Variants in AS3MT observed in about 807,000 individuals in gnomAD.
AS3MT encodes the protein S-adenosyl-L-methionine:arsenic(III) methyltransferase.
In AS3MT, 47 loss-of-function variants were observed where a neutral mutation model predicts 45.3. That is an observed-to-expected ratio of 1.04 (90% CI 0.82 to 1.32). The LOEUF (loss-of-function observed/expected upper bound fraction) is 1.32, where lower values mean the gene tolerates loss of function less well. Ranked by LOEUF, AS3MT falls within the 40% of genes most tolerant of loss-of-function variation. The probability of loss-of-function intolerance (pLI) is 0.00; values close to 1 mark genes in which losing one functional copy is unlikely to be tolerated. For synonymous variants in AS3MT, 141 were observed against 152.8 expected (o/e 0.92, Z 0.57); for missense variants, 396 against 451.1 (o/e 0.88, Z 1.11).
chr10:102,874,240 T>TG (rs1188500887), intron 5 of AS3MT, among the ~76,000 whole-genome samples: 3 of 146,838 alleles, frequency 2.0e-5, no homozygotes, highest in African/African-American at 2.5e-5. Context: ...GCAACAGGAG[T>TG]GAAACATCCT....
intron 10 of AS3MT, among the ~76,000 whole-genome samples, chr10:102,891,970 AAAAAG>A (rs1845078903): frequency 1.3e-5 from 2 of 151,034 alleles, no homozygotes; most frequent in Non-Finnish European, 1.5e-5. Flanking sequence ...AAAAAAAAAA[AAAAAG>A]AAAGAAGGCT....
chr10:102,896,332 C>CA (rs899491110), intron 10 of AS3MT, among the ~76,000 whole-genome samples: 3,693 of 63,122 alleles, frequency 0.059, 124 homozygotes, highest in South Asian at 0.15. Context: ...GACCCTGCCT[C>CA]AAAAAAAAAA....
intron 9 of AS3MT, among the ~76,000 whole-genome samples, chr10:102,882,869 G>A (rs1030462010): frequency 6.6e-6 from 1 of 151,518 alleles, no homozygotes; most frequent in Non-Finnish European, 1.5e-5. Flanking sequence ...GGGATTACAG[G>A]CGTGAGCCAC....
chr10:102,896,558 C>T (rs113320965), intron 10 of AS3MT, among the ~76,000 whole-genome samples: 15,830 of 151,954 alleles, frequency 0.1, 846 homozygotes, highest in Middle Eastern at 0.18. Flanking sequence ...CCTGTAATCC[C>T]AGCACTTTGG....
chr10:102,899,895 G>C (rs984810017), intron 10 of AS3MT, among the ~76,000 whole-genome samples: 8 of 152,024 alleles, frequency 5.3e-5, no homozygotes, highest in African/African-American at 1.9e-4. Flanking sequence ...TCAAACTCCT[G>C]GCCTCAGGTG....
At chr10:102,869,647 C>A (rs1844640967) in intron 1 of AS3MT, 54 bp downstream of exon 1, 1 of 1,581,668 alleles carries the variant, frequency 6.3e-7, no homozygotes, top group Middle Eastern at 1.9e-4. Context: ...TCCCTGGGCC[C>A]CCGCAAGGCG....
At chr10:102,882,400 T>TA (rs1212044958) in intron 9 of AS3MT, among the ~76,000 whole-genome samples, 3 of 151,612 alleles carry the variant, frequency 2.0e-5, no homozygotes, top group Non-Finnish European at 4.4e-5. Flanking sequence ...TTTTTTAATT[T>TA]AAAAAATGTA....
At chr10:102,885,926 C>T (rs1248016136) in intron 9 of AS3MT, among the ~76,000 whole-genome samples, 1 of 152,034 alleles carries the variant, frequency 6.6e-6, no homozygotes, top group African/African-American at 2.4e-5. Flanking sequence ...CTCGGCCTCC[C>T]AAAGTGCTGG....
intron 3 of AS3MT, among the ~76,000 whole-genome samples, chr10:102,870,507 T>C (rs1269319493): frequency 6.6e-6 from 1 of 152,066 alleles, no homozygotes; most frequent in Non-Finnish European, 1.5e-5. Flanking sequence ...GCCACTGCAC[T>C]CCAGCTTGGT....
At chr10:102,876,346 T>A (rs374491514) in intron 6 of AS3MT, among the ~76,000 whole-genome samples, 5 of 99,362 alleles carry the variant, frequency 5.0e-5, no homozygotes, top group Admixed American at 2.0e-4. Flanking sequence ...GTTAGAGGGG[T>A]CCAGATAGTG....
intron 7 of AS3MT, among the ~76,000 whole-genome samples, chr10:102,877,559 CA>C (rs199723619): frequency 0.38 from 35,922 of 94,244 alleles, 4,041 homozygotes; most frequent in Middle Eastern, 0.49. Flanking sequence ...TGGAAAGTGC[CA>C]AAAAAAAAAA....
At chr10:102,876,377 C>T (rs950131363) in intron 6 of AS3MT, among the ~76,000 whole-genome samples, 1 of 150,862 alleles carries the variant, frequency 6.6e-6, no homozygotes, top group Admixed American at 6.6e-5. Flanking sequence ...TACCCTCTAA[C>T]TCCTGGGCTC....
In AS3MT at chr10:102,900,987, T is replaced by A; in HGVS notation, c.*287T>A. The A allele has an allele frequency of 4.3e-6, 1 of 230,522 alleles. No individual in the cohort carries two copies. The highest frequency in any genetic ancestry group is 8.5e-6 in the Non-Finnish European group (1 of 117,478). 14.3% of individuals were successfully genotyped at this position (230,522 alleles called of 1,614,324 possible). On this transcript the variant is annotated 3_prime_UTR_variant, in exon 11 of 11. Coordinates refer to ENST00000369880, the MANE Select transcript of AS3MT (RefSeq NM_020682.4). The stretch of plus-strand genomic sequence containing the variant: ...CTATAGTCTCAGCTACTCGGGAGGC[T>A]GAGGCAGGAGAATTGCTTGAACCCA...
rs1364525964 is a variant in AS3MT, at chr10:102,881,680, CATT to C, written c.885+2693_885+2695del. ...AAGTTCAGTGAAAAGAAGATACTGTCATTATTTGTTCCAAAAGTGGAAGAACTT... is the reference window on the plus strand; with the variant it reads ...AAGTTCAGTGAAAAGAAGATACTGTCATTTGTTCCAAAAGTGGAAGAACTT... On this transcript the variant is annotated intron_variant, in intron 9 of 10. Transcript: ENST00000369880. This position sits in a 1 kb window ranked among gnomAD's most constrained non-coding sequence, Gnocchi z 4.2. Among the ~76,000 whole-genome samples the C allele has an allele frequency of 2.0e-5, 3 of 152,126 alleles. No homozygotes were observed. The highest frequency in any genetic ancestry group is 7.2e-5 in the African/African-American group (3 of 41,438).
intron 3 of AS3MT, among the ~76,000 whole-genome samples, chr10:102,871,883 TTTTA>T (rs956465868): frequency 6.8e-4 from 104 of 152,142 alleles, no homozygotes; most frequent in Admixed American, 1.9e-3. Context: ...CATTATTTTA[TTTTA>T]TTTATTTATT....
In AS3MT at chr10:102,874,623, AAAC is replaced by A. The variant is rs1459758872; in HGVS notation, c.496_498del (p.Gln166del). On this transcript the variant is annotated inframe_deletion, in exon 6 of 11. Transcript: ENST00000369880. ...CTGTGTTATTAACCTTGTGCCTGAT[AAAC>A]AACAAGTGCTTCAGGAGGCATATCG... The A allele has an allele frequency of 4.3e-6, 7 of 1,610,154 alleles. No homozygotes were observed. Among genetic ancestry groups the A allele is most frequent in the Middle Eastern group, 1.7e-4 (1 of 6,060 alleles).
intron 9 of AS3MT, among the ~76,000 whole-genome samples, chr10:102,885,278 T>C (rs1409121159): frequency 6.6e-6 from 1 of 152,104 alleles, no homozygotes; most frequent in Non-Finnish European, 1.5e-5. Flanking sequence ...CATAATGACC[T>C]GCAGTTCCAT....
intron 10 of AS3MT, among the ~76,000 whole-genome samples, chr10:102,894,548 C>G (rs1447699387): frequency 6.6e-6 from 1 of 152,194 alleles, no homozygotes; most frequent in African/African-American, 2.4e-5. Flanking sequence ...GTTCAGGTCA[C>G]GAAGGGAAGG....
intron 10 of AS3MT, among the ~76,000 whole-genome samples, chr10:102,900,108 T>C (rs184357061): frequency 3.3e-5 from 5 of 152,354 alleles, no homozygotes; most frequent in African/African-American, 9.6e-5. Context: ...AGCAGTCTTA[T>C]GTTACTCTAC....
Sources: allele counts gnomAD v4.1 joint callset (sites outside exome capture counted in the v4.1 genomes callset), GRCh38; gene constraint gnomAD v4.1.1; non-coding constraint Gnocchi (gnomAD v3.1); transcripts MANE v1.5; gene names NCBI Gene and HGNC (gene_info 2026-07-23, HGNC 2026-07-21).